The following CNNM3 variants were observed in gnomAD, a reference collection of about 807,000 sequenced individuals.
CNNM3 encodes the protein cyclin and CBS domain divalent metal cation transport mediator 3.
A neutral mutation model predicts 57.1 loss-of-function variants in CNNM3; 47 were observed. The ratio of observed to expected loss-of-function variants is 0.82; its 90% CI spans 0.65 to 1.05. The LOEUF (loss-of-function observed/expected upper bound fraction) is 1.05. CNNM3 is among the 50% of genes least tolerant of loss of function. The pLI is 0.00. For synonymous variants in CNNM3, 507 were observed against 478.2 expected (o/e 1.06, Z -0.79); for missense variants, 957 against 973.7 (o/e 0.98, Z 0.23).
Position 96,817,451 on chromosome 2 carries a change from T to C in CNNM3, c.1174T>C (p.Phe392Leu), listed in dbSNP as rs1436198766. 1 of 1,614,008 alleles carries C rather than the reference T, an allele frequency of 6.2e-7. No individual in the cohort carries two copies. Among genetic ancestry groups the C allele is most frequent in the African/African-American group, 1.3e-5 (1 of 75,026 alleles). Residue 392 changes from phenylalanine to leucine, a missense_variant, in exon 1 of 8, where the codon TTC becomes CTC. By Grantham distance (22) the Phe-to-Leu change is conservative (BLOSUM62 0). Transcript: ENST00000305510. ...ITRFYNHPLH[F>L]VFNDTKLDAV... Reference sequence around the variant, plus strand: ...TCGTTTCTACAACCATCCGCTCCACTTCGTCTTCAACGACACCAAGCTGGA... The same window carrying C: ...TCGTTTCTACAACCATCCGCTCCACCTCGTCTTCAACGACACCAAGCTGGA...
At chr2:96,818,125 C>T (rs558551794) in intron 1 of CNNM3, among the ~76,000 whole-genome samples, 79 of 152,316 alleles carry the variant, frequency 5.2e-4, no homozygotes, top group African/African-American at 1.9e-3. Flanking sequence ...CCAGCTCTGT[C>T]GCGCAGGCTG....
Position 96,833,440 on chromosome 2 carries a change from G to A in CNNM3, c.*824G>A. 1 of 184,146 alleles carries A rather than the reference G, an allele frequency of 5.4e-6. No homozygotes were observed. The highest frequency in any genetic ancestry group is 1.1e-5 in the Non-Finnish European group (1 of 87,300). The allele number at this position is 184,146 out of a possible 1,614,324, so 11.4% of individuals were successfully genotyped here. ...GTGGCCCCCAGGAGAGTAGCTGCCTGTTGCACCTGCTCCACACCTCCCCAC... is the reference window on the plus strand; with the variant it reads ...GTGGCCCCCAGGAGAGTAGCTGCCTATTGCACCTGCTCCACACCTCCCCAC... On this transcript the variant is annotated 3_prime_UTR_variant, in exon 8 of 8. Transcript: ENST00000305510.
At chr2:96,818,724 C>T (rs571609431) in intron 1 of CNNM3, among the ~76,000 whole-genome samples, 5 of 152,342 alleles carry the variant, frequency 3.3e-5, no homozygotes, top group Admixed American at 2.6e-4. Context: ...CTTAGTGGTG[C>T]TCCCCAGAGT....
Position 96,828,597 on chromosome 2 carries a change from C to G in CNNM3, c.1817C>G (p.Pro606Arg). Residue 606 changes from proline (P) to arginine (R), a missense_variant, in exon 6 of 8, where the codon CCC becomes CGC. Coordinates refer to ENST00000305510, the MANE Select transcript of CNNM3 (RefSeq NM_017623.5). ...CAGTCCCCGGTGTCCTCGCTCCAGC[C>G]CATCCGCCATGACCTGCAGCCCGAC... The part of the protein sequence containing the change: ...VHQSPVSSLQ[P>R]IRHDLQPDPG... The G allele has an allele frequency of 6.2e-7, 1 of 1,614,188 alleles. No individual in the cohort carries two copies. Among genetic ancestry groups the G allele is most frequent in the South Asian group, 1.1e-5 (1 of 91,080 alleles).
chr2:96,835,901 T>C (rs1404941176), downstream of CNNM3, among the ~76,000 whole-genome samples: 1 of 152,166 alleles, frequency 6.6e-6, no homozygotes, highest in Non-Finnish European at 1.5e-5. Context: ...CTCACGGTGG[T>C]TTTTCATTTG....
rs2079325847 is a variant in CNNM3, at chr2:96,816,773, G to A, written c.496G>A (p.Val166Met). 7 of 1,021,308 alleles carry A rather than the reference G, an allele frequency of 6.9e-6. No individual in the cohort carries two copies. Among genetic ancestry groups the A allele is most frequent in the African/African-American group, 1.7e-5 (1 of 57,508 alleles). 63.3% of individuals were successfully genotyped at this position (1,021,308 alleles called of 1,614,324 possible). ...CGCGCTGGCGCTGGCGCCTGCCGAGGTGCAGGTGCTGCGCGAGAGCGGCTC... is the reference window on the plus strand; with the variant it reads ...CGCGCTGGCGCTGGCGCCTGCCGAGATGCAGGTGCTGCGCGAGAGCGGCTC... Reference protein sequence around the residue: ...LSALALAPAEVQVLRESGSEA... With the variant: ...LSALALAPAEMQVLRESGSEA... Residue 166 changes from valine (V) to methionine (M), a missense_variant, in exon 1 of 8, where the codon GTG becomes ATG. Val to Met is a conservative substitution (Grantham distance 21). Coordinates refer to ENST00000305510, the MANE Select transcript of CNNM3 (RefSeq NM_017623.5).
At chr2:96,818,079 G>A (rs2079352402) in intron 1 of CNNM3, among the ~76,000 whole-genome samples, 1 of 152,134 alleles carries the variant, frequency 6.6e-6, no homozygotes, top group African/African-American at 2.4e-5. Flanking sequence ...TTCACCAAAA[G>A]TAACTCCATT....
intron 7 of CNNM3, 99 bp from the exon 8 acceptor site, chr2:96,832,453 T>C: frequency 5.7e-6 from 9 of 1,583,026 alleles, no homozygotes; most frequent in Middle Eastern, 1.7e-4. Flanking sequence ...AGCACCTGTC[T>C]TAGCTGCCCC....
At position 96,816,604 on chromosome 2, in the gene CNNM3, C is replaced by T; in HGVS notation, c.327C>T (p.Ala109=). 8.4e-7 allele frequency: 1 copy of T among 1,196,090 alleles called. No individual in the cohort carries two copies. Among genetic ancestry groups the T allele is most frequent in the Non-Finnish European group, 1.0e-6 (1 of 965,406 alleles). The allele number at this position is 1,196,090 out of a possible 1,614,324, so 74.1% of individuals were successfully genotyped here. A position where few individuals can be genotyped will look rare whatever the true frequency, so the allele number is the denominator to read the frequency against. ...ALLRLRLRAE[A]VRPHSALLAV... Reference sequence around the variant, plus strand: ...TGCGCTTGCGCCTGCGGGCCGAGGCCGTGCGCCCGCACTCGGCGCTGCTGG... The same window carrying T: ...TGCGCTTGCGCCTGCGGGCCGAGGCTGTGCGCCCGCACTCGGCGCTGCTGG... The change falls in exon 1 of 8, where the codon GCC becomes GCT. Residue 109 remains alanine, a synonymous_variant. Coordinates refer to ENST00000305510, the MANE Select transcript of CNNM3 (RefSeq NM_017623.5).
Position 96,817,046 on chromosome 2 carries a change from G to T in CNNM3, c.769G>T (p.Gly257Cys). 2.2e-6 allele frequency: 3 copies of T among 1,367,046 alleles called. No homozygotes were observed. Among genetic ancestry groups the T allele is most frequent in the Non-Finnish European group, 2.8e-6 (3 of 1,059,356 alleles). The allele number at this position is 1,367,046 out of a possible 1,614,324, so 84.7% of individuals were successfully genotyped here. A position where few individuals can be genotyped will look rare whatever the true frequency, so the allele number is the denominator to read the frequency against. ...WTLALAPRAL[G>C]LSRLAVLLTL... Reference sequence around the variant, plus strand: ...GCTGGCGCTGGCGCCGCGAGCGCTCGGCCTCAGCCGCCTGGCCGTCCTGCT... The same window carrying T: ...GCTGGCGCTGGCGCCGCGAGCGCTCTGCCTCAGCCGCCTGGCCGTCCTGCT... The change falls in exon 1 of 8, where the codon GGC becomes TGC. Residue 257 changes from glycine (G) to cysteine (C), a missense_variant. Gly to Cys is a radical substitution (Grantham distance 159). Coordinates refer to ENST00000305510, the MANE Select transcript of CNNM3 (RefSeq NM_017623.5).
chr2:96,816,621 C>G lies in CNNM3; in HGVS notation c.344C>G (p.Ala115Gly). 8.6e-7 allele frequency: 1 copy of G among 1,163,852 alleles called. No individual in the cohort carries two copies. Among genetic ancestry groups the G allele is most frequent in the Non-Finnish European group, 1.1e-6 (1 of 944,890 alleles). The allele number at this position is 1,163,852 out of a possible 1,614,324, so 72.1% of individuals were successfully genotyped here. ...GCCGAGGCCGTGCGCCCGCACTCGG[C>G]GCTGCTGGCGGTGCGCGTGGAGCCG... ...LRAEAVRPHS[A>G]LLAVRVEPGG... Residue 115 changes from alanine to glycine, a missense_variant, in exon 1 of 8, where the codon GCG becomes GGG. Ala to Gly is a moderately conservative substitution (Grantham distance 60). Around this residue, in one of 2 missense-constraint regions of CNNM3, gnomAD observed 466 missense variants for 403.1 expected, o/e 1.16. Transcript: ENST00000305510.
At chr2:96,820,556 G>A (rs1261148100) in intron 1 of CNNM3, among the ~76,000 whole-genome samples, 1 of 152,158 alleles carries the variant, frequency 6.6e-6, no homozygotes, top group Admixed American at 6.5e-5. Context: ...GCAAGACCAA[G>A]GAAGGAGGAG....
intron 1 of CNNM3, among the ~76,000 whole-genome samples, chr2:96,819,662 C>T (rs772320894): frequency 6.6e-6 from 1 of 152,132 alleles, no homozygotes; most frequent in East Asian, 1.9e-4. Context: ...AAAGCACTCA[C>T]GTTTCTAGAT....
downstream of CNNM3, among the ~76,000 whole-genome samples, chr2:96,835,867 G>A (rs762812598): frequency 1.3e-3 from 196 of 152,088 alleles, no homozygotes; most frequent in Non-Finnish European, 2.2e-3. Flanking sequence ...TACTTCAGCC[G>A]TTCTGACAGG....
rs1400219747 is a variant in CNNM3 at position 96,816,843 on chromosome 2, G to A, written c.566G>A (p.Arg189His). Residue 189 changes from arginine to histidine, a missense_variant, in exon 1 of 8, where the codon CGC becomes CAC. Arg to His is a conservative substitution (Grantham distance 29). This residue lies in a region of CNNM3 where 466 missense variants were observed against 403.1 expected (regional missense o/e 1.16). Coordinates refer to ENST00000305510, the MANE Select transcript of CNNM3 (RefSeq NM_017623.5). Reference protein sequence around the residue: ...AAARRLEPARRWAGCALGALL... With the variant: ...AAARRLEPARHWAGCALGALL... ...GCGCGGCGTTTGGAGCCCGCGCGGCGCTGGGCCGGCTGCGCCTTGGGCGCG... is the reference window on the plus strand; with the variant it reads ...GCGCGGCGTTTGGAGCCCGCGCGGCACTGGGCCGGCTGCGCCTTGGGCGCG... 9.5e-7 allele frequency: 1 copy of A among 1,052,544 alleles called. No homozygotes were observed. Among genetic ancestry groups the A allele is most frequent in the Non-Finnish European group, 1.1e-6 (1 of 877,260 alleles). 65.2% of individuals were successfully genotyped at this position (1,052,544 alleles called of 1,614,324 possible).
chr2:96,831,770 A>G (rs1388469000), intron 7 of CNNM3, among the ~76,000 whole-genome samples: 1 of 152,218 alleles, frequency 6.6e-6, no homozygotes, highest in African/African-American at 2.4e-5. Flanking sequence ...GCAGCCCTCC[A>G]TGCTGTGCTC....
At chr2:96,821,452 C>G (rs1205338150) in intron 1 of CNNM3, among the ~76,000 whole-genome samples, 1 of 152,096 alleles carries the variant, frequency 6.6e-6, no homozygotes, top group Non-Finnish European at 1.5e-5. Context: ...GGTCTTGTTT[C>G]TTTTGCTGTG....
At chr2:96,835,941 G>A (rs1239113752), downstream of CNNM3, among the ~76,000 whole-genome samples, 2 of 152,110 alleles carry the variant, frequency 1.3e-5, no homozygotes, top group East Asian at 1.9e-4. Flanking sequence ...CCTGTGTTTC[G>A]CTTCAGTGGA....
intron 1 of CNNM3, among the ~76,000 whole-genome samples, chr2:96,820,657 T>C (rs2079391472): frequency 6.6e-6 from 1 of 152,122 alleles, no homozygotes; most frequent in Non-Finnish European, 1.5e-5. Context: ...GCAAACAGGA[T>C]GCCGTTGACC....
Sources: allele counts gnomAD v4.1 joint callset (sites outside exome capture counted in the v4.1 genomes callset), GRCh38; gene constraint gnomAD v4.1.1; regional missense constraint gnomAD v4.1.1; transcripts MANE v1.5; gene names NCBI Gene and HGNC (gene_info 2026-07-23, HGNC 2026-07-21).